Variants in EXTL3 observed in about 807,000 individuals in gnomAD.
EXTL3 encodes the protein exostosin like glycosyltransferase 3.
Under a neutral mutation model 69.3 loss-of-function variants are expected in EXTL3, and 27 were observed. That is an observed-to-expected ratio of 0.39 (90% confidence interval 0.29 to 0.54). EXTL3 has a LOEUF of 0.54. Among genes scored for constraint, EXTL3 ranks in the 20% least tolerant of loss-of-function variants. The probability of loss-of-function intolerance (pLI) is 0.69; values close to 1 mark genes in which losing one functional copy is unlikely to be tolerated. For synonymous variants in EXTL3, 511 were observed against 499.4 expected, an observed-to-expected ratio of 1.02 and a Z score of -0.31; for missense variants, 1,003 against 1,231.8, an observed-to-expected ratio of 0.81 and a Z score of 2.78.
At chr8:28,727,122 G>T (rs924964933) in intron 3 of EXTL3, among the ~76,000 whole-genome samples, 1 of 151,990 alleles carries the variant, frequency 6.6e-6, no homozygotes, top group Non-Finnish European at 1.5e-5. Flanking sequence ...CTGACCTCAG[G>T]TGATCCACCC....
intron 3 of EXTL3, among the ~76,000 whole-genome samples, chr8:28,729,542 GC>G (rs1017184778): frequency 7.7e-6 from 1 of 129,938 alleles, no homozygotes; most frequent in African/African-American, 2.9e-5. Flanking sequence ...GCTGCAGTGA[GC>G]CAAGATTGCG....
upstream of EXTL3, chr8:28,699,904 A>T (rs28696896): frequency 6.6e-6 from 1 of 152,200 alleles, no homozygotes. Flanking sequence ...GTAGCAGGTA[A>T]CTGCACGTCC....
intron 1 of EXTL3, among the ~76,000 whole-genome samples, chr8:28,625,383 C>T (rs190074568): frequency 3.9e-5 from 6 of 152,298 alleles, no homozygotes; most frequent in South Asian, 2.1e-4. Flanking sequence ...GAAAAAGGAA[C>T]GCAGAAAGAA....
intron 5 of EXTL3, chr8:28,740,019 T>G (rs1585294100): frequency 1.3e-5 from 2 of 152,188 alleles, no homozygotes; most frequent in African/African-American, 4.8e-5. Context: ...TGTGTGAAAA[T>G]CTATAAAGAA....
At chr8:28,678,989 T>C (rs1269343140) in intron 1 of EXTL3, among the ~76,000 whole-genome samples, 3 of 152,198 alleles carry the variant, frequency 2.0e-5, no homozygotes, top group African/African-American at 7.2e-5. Flanking sequence ...CTCTCCCTTA[T>C]ACCAGCTTCT....
intron 3 of EXTL3, among the ~76,000 whole-genome samples, chr8:28,726,886 T>TC (rs1360961456): frequency 7.8e-6 from 1 of 127,978 alleles, no homozygotes; most frequent in East Asian, 2.3e-4. Flanking sequence ...TTTCTTTTTT[T>TC]TTTTTTTTTT....
intron 1 of EXTL3, among the ~76,000 whole-genome samples, chr8:28,644,162 T>C (rs1313836784): frequency 6.6e-6 from 1 of 152,110 alleles, no homozygotes; most frequent in Non-Finnish European, 1.5e-5. Context: ...TTATGAGCCT[T>C]TTTTTTGCTC....
At chr8:28,646,420 A>G (rs1361786272) in intron 1 of EXTL3, among the ~76,000 whole-genome samples, 1 of 152,210 alleles carries the variant, frequency 6.6e-6, no homozygotes, top group African/African-American at 2.4e-5. Context: ...TATGGTTGAC[A>G]TACTAATTCT....
rs759491542 is a variant in EXTL3 at position 28,717,285 on chromosome 8, CGACT to C, written c.1229_1232del (p.Thr410SerfsTer15). ...AAAAACCAGCCCAAACCCAGCCTGCCGACTGAGTGGGCACTGTGTGGAGAGCGGG... is the reference window on the plus strand; with the variant it reads ...AAAAACCAGCCCAAACCCAGCCTGCCGAGTGGGCACTGTGTGGAGAGCGGG... On this transcript the variant is annotated frameshift_variant, in exon 3 of 7. Transcript: ENST00000220562. LOFTEE classifies it high-confidence loss of function. This position sits in a 1 kb window ranked among gnomAD's most constrained non-coding sequence, Gnocchi z 8.3. The C allele has an allele frequency of 6.2e-7, 1 of 1,614,224 alleles. No individual in the cohort carries two copies. Among genetic ancestry groups the C allele is most frequent in the Non-Finnish European group, 8.5e-7 (1 of 1,180,038 alleles).
intron 4 of EXTL3, among the ~76,000 whole-genome samples, chr8:28,732,836 A>G (rs1220996268): frequency 6.6e-6 from 1 of 152,058 alleles, no homozygotes; most frequent in Non-Finnish European, 1.5e-5. Flanking sequence ...CGATTCTTTC[A>G]TGTCAGCCTC....
At chr8:28,616,715 G>C (rs944605907) in intron 2 of EXTL3, among the ~76,000 whole-genome samples, 2 of 152,186 alleles carry the variant, frequency 1.3e-5, no homozygotes, top group African/African-American at 2.4e-5. Context: ...TCCTCTCTAA[G>C]TGAATTCAGT....
At position 28,752,734 on chromosome 8, in the gene EXTL3, T is replaced by G. The variant is rs934640312; in HGVS notation, c.*1868T>G. 2.0e-5 allele frequency: 3 copies of G among 153,014 alleles called. No homozygotes were observed. The highest frequency in any genetic ancestry group is 4.4e-5 in the Non-Finnish European group (3 of 68,284). The allele number at this position is 153,014 out of a possible 1,614,324, so 9.5% of individuals were successfully genotyped here. A position where few individuals can be genotyped will look rare whatever the true frequency, so the allele number is the denominator to read the frequency against. On this transcript the variant is annotated 3_prime_UTR_variant, in exon 7 of 7. Coordinates refer to ENST00000220562, the MANE Select transcript of EXTL3 (RefSeq NM_001440.4). ...GGTCAGACGCCCTTCCTCAGAACTT[T>G]CTAGTTGCCCTCTACCTGACTCCTG... is the stretch of plus-strand genomic sequence containing the variant.
chr8:28,750,541 C>T lies in EXTL3; in HGVS notation c.2551-116C>T, dbSNP rs1801981155. The T allele has an allele frequency of 1.2e-6, 1 of 850,722 alleles. No individual in the cohort carries two copies. Among genetic ancestry groups the T allele is most frequent in the Non-Finnish European group, 1.9e-6 (1 of 512,912 alleles). 52.7% of individuals were successfully genotyped at this position (850,722 alleles called of 1,614,324 possible). ...CCTGCCATGCTCTGCAGGGATGTTGCCCCTGAGGGGATCAGCGTCTTCACC... is the reference window on the plus strand; with the variant it reads ...CCTGCCATGCTCTGCAGGGATGTTGTCCCTGAGGGGATCAGCGTCTTCACC... On this transcript the variant is annotated intron_variant, in intron 6 of 6. Coordinates refer to ENST00000220562, the MANE Select transcript of EXTL3 (RefSeq NM_001440.4). The surrounding 1 kb of genome is among the most constrained non-coding windows in gnomAD (Gnocchi z 5.2).
At chr8:28,711,344 G>C (rs973016551) in intron 1 of EXTL3, among the ~76,000 whole-genome samples, 2 of 150,354 alleles carry the variant, frequency 1.3e-5, no homozygotes, top group African/African-American at 5.0e-5. Flanking sequence ...GGTTTGTTTT[G>C]TTTTTTTTCT....
intron 5 of EXTL3, chr8:28,742,650 G>A (rs1475175779): frequency 3.2e-6 from 1 of 307,810 alleles, no homozygotes; most frequent in Non-Finnish European, 6.3e-6. Flanking sequence ...CTGTACAGGA[G>A]GCAGTGAGGG....
At position 28,716,005 on chromosome 8, in the gene EXTL3, C is replaced by T. The variant is rs1801134228; in HGVS notation, c.-55C>T. ...AGAGATCGTTTTGTGGAATAGCAACCCATGGTTATGGCGAGTGACCCGACG... is the reference window on the plus strand; with the variant it reads ...AGAGATCGTTTTGTGGAATAGCAACTCATGGTTATGGCGAGTGACCCGACG... On this transcript the variant is annotated 5_prime_UTR_variant, in exon 3 of 7. Transcript: ENST00000220562. The surrounding 1 kb of genome is among the most constrained non-coding windows in gnomAD (Gnocchi z 7.1). 3 of 1,442,024 alleles carry T rather than the reference C, an allele frequency of 2.1e-6. No homozygotes were observed. Among genetic ancestry groups the T allele is most frequent in the Non-Finnish European group, 2.9e-6 (3 of 1,049,132 alleles). The allele number at this position is 1,442,024 out of a possible 1,614,324, so 89.3% of individuals were successfully genotyped here. A position where few individuals can be genotyped will look rare whatever the true frequency, so the allele number is the denominator to read the frequency against.
chr8:28,718,970 TG>T (rs927299442), intron 3 of EXTL3, among the ~76,000 whole-genome samples: 7 of 152,176 alleles, frequency 4.6e-5, no homozygotes, highest in African/African-American at 9.7e-5. Flanking sequence ...GAATTAAACT[TG>T]GCATTCTAGG....
chr8:28,646,452 A>G (rs1327916428), intron 1 of EXTL3, among the ~76,000 whole-genome samples: 2 of 152,126 alleles, frequency 1.3e-5, no homozygotes, highest in African/African-American at 4.8e-5. Context: ...TGGCATATTT[A>G]CTTTTCTGCT....
intron 1 of EXTL3, among the ~76,000 whole-genome samples, chr8:28,654,361 TTTTG>T (rs767425399): frequency 4.4e-4 from 67 of 152,286 alleles, no homozygotes; most frequent in Non-Finnish European, 7.8e-4. Flanking sequence ...GTTTTATTCT[TTTTG>T]TTTGTTTGTT....
Sources: gnomAD v4.1 joint callset for allele counts (sites outside exome capture counted in the v4.1 genomes callset) on GRCh38, gnomAD v4.1.1 for gene constraint, Gnocchi (gnomAD v3.1) non-coding constraint, MANE v1.5 for transcripts, NCBI Gene and HGNC (gene_info 2026-07-23, HGNC 2026-07-21) for gene names.